GANAB: variants seen among roughly 807,000 people sequenced by gnomAD.
GANAB encodes the protein glucosidase II alpha subunit.
GANAB carries 35 observed loss-of-function variants against 129.9 expected under a neutral mutation model. The observed-to-expected ratio is 0.27, with a 90% CI of 0.21 to 0.36. The LOEUF is 0.36. GANAB is among the 10% of genes least tolerant of loss of function. GANAB has a pLI of 1.00. For missense variants in GANAB, 939 were observed against 1,221.0 expected (o/e 0.77, Z 3.44); for synonymous variants, 482 against 451.8 (o/e 1.07, Z -0.85).
Position 62,625,889 on chromosome 11 carries a change from G to C in GANAB, c.2761C>G (p.Pro921Ala). Residue 921 changes from proline (P) to alanine (A), a missense_variant, in exon 24 of 24, where the codon CCT becomes GCT. By Grantham distance (27) the Pro-to-Ala change is conservative (BLOSUM62 -1). Transcript: ENST00000356638. ...PESRLSFQHD[P>A]ETSVLVLRKP... The stretch of plus-strand genomic sequence containing the variant: ...CGCAGGACCAACACAGAGGTCTCAG[G>C]GTCATGCTGGAAGGACAGGCGGCTT... The C allele has an allele frequency of 6.2e-7, 1 of 1,613,722 alleles. No homozygotes were observed. The highest frequency in any genetic ancestry group is 8.5e-7 in the Non-Finnish European group (1 of 1,179,614).
At position 62,626,441 on chromosome 11, in the gene GANAB, C is replaced by A. The variant is rs769999391; in HGVS notation, c.2518G>T (p.Ala840Ser). 2.2e-5 allele frequency: 36 copies of A among 1,608,646 alleles called. No individual in the cohort carries two copies. The highest frequency in any genetic ancestry group is 3.1e-5 in the Non-Finnish European group (36 of 1,175,180). ...LFVALSPQGT[A>S]QGELFLDDGH... ...TCATCCAGAAAGAGCTCTCCTTGAGCTGTACCCTGAGCAAGAAGTGGGATA... is the reference window on the plus strand; with the variant it reads ...TCATCCAGAAAGAGCTCTCCTTGAGATGTACCCTGAGCAAGAAGTGGGATA... The change falls in exon 22 of 24, where the codon GCT (alanine) becomes TCT (serine). Residue 840 changes from alanine to serine, a missense_variant. By Grantham distance (99) the Ala-to-Ser change is moderately conservative. Coordinates refer to ENST00000356638, the MANE Select transcript of GANAB (RefSeq NM_198334.3).
chr11:62,631,240 C>T, intron 9 of GANAB, 57 bp from the exon 10 acceptor site: 7 of 1,470,800 alleles, frequency 4.8e-6, no homozygotes, highest in Non-Finnish European at 6.4e-6. Context: ...TTTCCAACCC[C>T]AAGACAAAAA....
Position 62,639,482 on chromosome 11 carries a change from G to A in GANAB, c.144-15C>T, listed in dbSNP as rs575730613. On this transcript the variant is annotated splice_polypyrimidine_tract_variant and intron_variant, in intron 2 of 23. Coordinates refer to ENST00000356638, the MANE Select transcript of GANAB (RefSeq NM_198334.3). ...TTCTCTGTCGCCTGCCAAGTGAAGGGTTGGGAAGTAAGGTAAAGGCCACCT... is the reference window on the plus strand; with the variant it reads ...TTCTCTGTCGCCTGCCAAGTGAAGGATTGGGAAGTAAGGTAAAGGCCACCT... The A allele has an allele frequency of 1.4e-4, 224 of 1,602,960 alleles. 3 individuals are homozygous for A. The South Asian group carries it at 2.4e-3, about 17-fold the overall frequency.
intron 4 of GANAB, among the ~76,000 whole-genome samples, chr11:62,635,998 A>AT (rs916294321): frequency 6.6e-6 from 1 of 150,576 alleles, no homozygotes; most frequent in Non-Finnish European, 1.5e-5. Context: ...GACTTAAAAA[A>AT]TTTTTTTTTC....
chr11:62,630,339 G>A (rs201192936), intron 12 of GANAB, 40 bp downstream of exon 12: 28 of 1,613,606 alleles, frequency 1.7e-5, no homozygotes, highest in East Asian at 2.2e-5. Context: ...ATTCTACCCC[G>A]CTGGCCAATC....
chr11:62,634,720 T>C, intron 5 of GANAB, 101 bp downstream of exon 5: 1 of 980,280 alleles, frequency 1.0e-6, no homozygotes, highest in South Asian at 1.5e-5. Context: ...CCCCAGGCCC[T>C]ACCTGGCTGT....
intron 4 of GANAB, among the ~76,000 whole-genome samples, chr11:62,635,856 C>T (rs1943918548): frequency 6.6e-6 from 1 of 152,012 alleles, no homozygotes; most frequent in African/African-American, 2.4e-5. Context: ...TCTCAAACTC[C>T]TGACCTCAAG....
At chr11:62,628,454 C>G (rs1257753516) in intron 17 of GANAB, among the ~76,000 whole-genome samples, 1 of 152,060 alleles carries the variant, frequency 6.6e-6, no homozygotes, top group Non-Finnish European at 1.5e-5. Flanking sequence ...CTCAGGTGAT[C>G]TGCCCACCTC....
Position 62,630,253 on chromosome 11 carries a change from T to A in GANAB, c.1537A>T (p.Thr513Ser). The A allele has an allele frequency of 1.2e-6, 2 of 1,613,674 alleles. No homozygotes were observed. Among genetic ancestry groups the A allele is most frequent in the Admixed American group, 3.3e-5 (2 of 59,950 alleles). The change falls in exon 13 of 24, where the codon ACT becomes TCT. Residue 513 changes from threonine to serine, a missense_variant. Thr to Ser is a moderately conservative substitution (Grantham distance 58). Around this residue, in one of 5 missense-constraint regions of GANAB, gnomAD observed 220 missense variants for 295.9 expected, o/e 0.74. Transcript: ENST00000356638. ...CACCAGGCCCTCATCGTGGGATTAGTGAAGTCAGGGTAACCAGCTGAGCCT... is the reference window on the plus strand; with the variant it reads ...CACCAGGCCCTCATCGTGGGATTAGAGAAGTCAGGGTAACCAGCTGAGCCT... The part of the protein sequence containing the change: ...WPGSAGYPDF[T>S]NPTMRAWWAN...
intron 1 of GANAB, among the ~76,000 whole-genome samples, chr11:62,642,191 A>G (rs1195970210): frequency 6.6e-6 from 1 of 152,074 alleles, no homozygotes; most frequent in East Asian, 1.9e-4. Context: ...CCTGGGCAAC[A>G]GAGCGTGACT....
chr11:62,625,884 C>T lies in GANAB; in HGVS notation c.2766G>A (p.Glu922=), dbSNP rs1350296587. Residue 922 remains glutamate, a synonymous_variant, in exon 24 of 24, where the codon GAG becomes GAA. Transcript: ENST00000356638. The part of the protein sequence containing the change: ...ESRLSFQHDP[E]TSVLVLRKPG... ...GCTTGCGCAGGACCAACACAGAGGT[C>T]TCAGGGTCATGCTGGAAGGACAGGC... is the stretch of plus-strand genomic sequence containing the variant. The T allele has an allele frequency of 6.2e-7, 1 of 1,613,740 alleles. No individual in the cohort carries two copies. The highest frequency in any genetic ancestry group is 1.1e-5 in the South Asian group (1 of 91,074).
At chr11:62,629,117 T>A (rs1344349857) in intron 16 of GANAB, 77 bp downstream of exon 16, 4 of 1,537,982 alleles carry the variant, frequency 2.6e-6, no homozygotes, top group Non-Finnish European at 3.6e-6. Flanking sequence ...TCTCTTTGCT[T>A]ACAACACCTT....
In GANAB at chr11:62,639,391, G is replaced by C. The variant is rs143393884; in HGVS notation, c.220C>G (p.Leu74Val). ...LDSLQLGPDS[L>V]TVHLIHEVTK... ...ACCTCATGGATCAGATGGACCGTGAGGGAATCAGGACCAAGCTGTAGAGAG... is the reference window on the plus strand; with the variant it reads ...ACCTCATGGATCAGATGGACCGTGACGGAATCAGGACCAAGCTGTAGAGAG... The change falls in exon 3 of 24, where the codon CTC (leucine) becomes GTC (valine). Residue 74 changes from leucine (L) to valine (V), a missense_variant. Leu to Val is a conservative substitution (Grantham distance 32). Transcript: ENST00000356638. 1.2e-6 allele frequency: 2 copies of C among 1,612,698 alleles called. No individual in the cohort carries two copies. The highest frequency in any genetic ancestry group is 1.3e-5 in the African/African-American group (1 of 74,946).
intron 5 of GANAB, chr11:62,634,552 G>A (rs577815041): frequency 1.6e-6 from 1 of 623,922 alleles, no homozygotes; most frequent in African/African-American, 1.8e-5. Context: ...GATGATGTGA[G>A]AAGGGGAAGA....
At chr11:62,644,696 CGTCTGTAATCCCAG>C (rs770702405) in intron 1 of GANAB, among the ~76,000 whole-genome samples, 17 of 152,022 alleles carry the variant, frequency 1.1e-4, no homozygotes, top group Non-Finnish European at 2.1e-4. Context: ...CGGTGGCACA[CGTCTGTAATCCCAG>C]GACTCGGGAG....
At position 62,626,944 on chromosome 11, in the gene GANAB, A is replaced by G. The variant is rs1167338994; in HGVS notation, c.2323-10T>C. 1.2e-6 allele frequency: 2 copies of G among 1,607,798 alleles called. No individual in the cohort carries two copies. The highest frequency in any genetic ancestry group is 1.3e-5 in the African/African-American group (1 of 74,746). On this transcript the variant is annotated splice_polypyrimidine_tract_variant and intron_variant, in intron 19 of 23. Coordinates refer to ENST00000356638, the MANE Select transcript of GANAB (RefSeq NM_198334.3). ...GAATGTCATACCACACCTGTGAGTG[A>G]CAAAAGAGGTAAGATACCGGATCAC... is the stretch of plus-strand genomic sequence containing the variant.
intron 19 of GANAB, 24 bp from the exon 20 acceptor site, chr11:62,626,958 A>G (rs1943412989): frequency 5.0e-6 from 8 of 1,595,336 alleles, no homozygotes; most frequent in Non-Finnish European, 6.9e-6. Flanking sequence ...AAGAGGTAAG[A>G]TACCGGATCA....
intron 1 of GANAB, among the ~76,000 whole-genome samples, chr11:62,640,588 C>G (rs894997887): frequency 6.9e-6 from 1 of 145,828 alleles, no homozygotes; most frequent in African/African-American, 2.5e-5. Context: ...AATCCCAGCA[C>G]TTAGGGAGGC....
intron 1 of GANAB, among the ~76,000 whole-genome samples, chr11:62,643,197 C>T (rs1368844076): frequency 3.9e-5 from 6 of 152,196 alleles, no homozygotes; most frequent in Non-Finnish European, 7.3e-5. Context: ...AACAGAGATT[C>T]TCAAATTTTA....
Sources: gnomAD v4.1 joint callset for allele counts (sites outside exome capture counted in the v4.1 genomes callset) on GRCh38, gnomAD v4.1.1 for gene constraint, gnomAD v4.1.1 regional missense constraint, MANE v1.5 for transcripts, NCBI Gene and HGNC (gene_info 2026-07-23, HGNC 2026-07-21) for gene names.